GPC3: variants seen among roughly 807,000 people sequenced by gnomAD.
GPC3 encodes glypican 3.
GPC3 carries 3 observed loss-of-function variants against 34.4 expected under a neutral mutation model. The observed-to-expected ratio is 0.09, with a 90% CI of 0.04 to 0.23. GPC3 has a LOEUF of 0.23. Among genes scored for constraint, GPC3 ranks in the 10% least tolerant of loss-of-function variants. The probability of loss-of-function intolerance (pLI) is 1.00; values close to 1 mark genes in which losing one functional copy is unlikely to be tolerated. For synonymous variants in GPC3, 177 were observed against 174.0 expected (o/e 1.02, Z -0.13); for missense variants, 351 against 445.6 (o/e 0.79, Z 1.91).
chrX:133,812,218 A>G (rs1460968830), intron 2 of GPC3, among the ~76,000 whole-genome samples: 1 of 112,354 alleles, frequency 8.9e-6, no homozygotes, highest in Non-Finnish European at 1.9e-5. Context: ...TTCATCATAT[A>G]AAAATATTTA....
intron 5 of GPC3, among the ~76,000 whole-genome samples, chrX:133,689,601 A>G (rs1229084744): frequency 8.9e-6 from 1 of 112,372 alleles, no homozygotes; most frequent in Admixed American, 9.5e-5. Context: ...ACCATAAACA[A>G]TAGAAGATAA....
intron 5 of GPC3, among the ~76,000 whole-genome samples, chrX:133,676,971 A>C (rs191011895): frequency 6.3e-4 from 70 of 110,777 alleles, no homozygotes; most frequent in Non-Finnish European, 4.3e-4. Flanking sequence ...TCACTTATAT[A>C]TCTCTGTGGT....
rs193124555 is a variant in GPC3, at chrX:133,933,908, C to T, written c.337+19142G>A. 5.3e-3 allele frequency among the ~76,000 whole-genome samples: 544 copies of T among 103,176 alleles called. 9 individuals are homozygous for T. The highest frequency in any genetic ancestry group is 0.017 in the African/African-American group (481 of 28,098). The allele number at this position is 103,176 out of a possible 115,157, so 89.6% of individuals were successfully genotyped here. A position where few individuals can be genotyped will look rare whatever the true frequency, so the allele number is the denominator to read the frequency against. On this transcript the variant is annotated intron_variant, in intron 2 of 7. Coordinates refer to ENST00000370818, the MANE Select transcript of GPC3 (RefSeq NM_004484.4). ...GAGATGGAATCTCACTCTGTTGCCC[C>T]GGCTGGAGTGCAGTGACACGATCTC...
intron 3 of GPC3, among the ~76,000 whole-genome samples, chrX:133,751,834 C>T (rs1410513667): frequency 8.9e-6 from 1 of 111,963 alleles, no homozygotes; most frequent in African/African-American, 3.2e-5. Flanking sequence ...AGAGTGTCTA[C>T]AGTGTATAGT....
chrX:133,776,527 A>G (rs2071982870), intron 2 of GPC3, among the ~76,000 whole-genome samples: 1 of 112,308 alleles, frequency 8.9e-6, no homozygotes, highest in Admixed American at 9.4e-5. Context: ...GAGCCTCTCC[A>G]TTAAATGCAG....
intron 4 of GPC3, among the ~76,000 whole-genome samples, chrX:133,696,893 A>G (rs2071123712): frequency 8.9e-6 from 1 of 112,667 alleles, no homozygotes; most frequent in African/African-American, 3.2e-5. Context: ...TGCTCAGGAA[A>G]AAGTCTCTTC....
chrX:133,952,376 TATC>T (rs1394774514), intron 2 of GPC3, among the ~76,000 whole-genome samples: 2 of 112,026 alleles, frequency 1.8e-5, no homozygotes, highest in Admixed American at 1.9e-4. Flanking sequence ...AAGTGTCTGC[TATC>T]ATCACCACCA....
rs187714908 is a variant in GPC3, at chrX:133,596,368, G to A, written c.1573+72C>T. On this transcript the variant is annotated intron_variant, in intron 7 of 7. Coordinates refer to ENST00000370818, the MANE Select transcript of GPC3 (RefSeq NM_004484.4). The stretch of plus-strand genomic sequence containing the variant: ...GGAATGTAAGGGAATTGCAGACAGC[G>A]GGTTCAATTTATTTTTAATTCCTGA... The A allele has an allele frequency of 4.9e-4, 446 of 908,617 alleles. 4 individuals carry two copies. The South Asian group carries it at 7.9e-3, about 16-fold the overall frequency. The allele number at this position is 908,617 out of a possible 1,213,427, so 74.9% of individuals were successfully genotyped here. A position where few individuals can be genotyped will look rare whatever the true frequency, so the allele number is the denominator to read the frequency against.
At chrX:133,800,464 G>A (rs1161981654) in intron 2 of GPC3, among the ~76,000 whole-genome samples, 2 of 112,153 alleles carry the variant, frequency 1.8e-5, no homozygotes, top group African/African-American at 6.5e-5. Flanking sequence ...CATCTACTCT[G>A]TTGTAACGAT....
At chrX:133,725,660 T>C (rs2071400390) in intron 3 of GPC3, among the ~76,000 whole-genome samples, 1 of 112,168 alleles carries the variant, frequency 8.9e-6, no homozygotes, top group Non-Finnish European at 1.9e-5. Context: ...ATTGTGAATA[T>C]GACCAAACAA....
intron 2 of GPC3, among the ~76,000 whole-genome samples, chrX:133,919,808 C>G (rs183316044): frequency 1.2e-4 from 13 of 105,372 alleles, no homozygotes; most frequent in Admixed American, 5.1e-4. Context: ...TGCCACTGCA[C>G]TCCAGCCTAT....
At chrX:133,923,131 TAC>T (rs375148219) in intron 2 of GPC3, among the ~76,000 whole-genome samples, 71 of 106,770 alleles carry the variant, frequency 6.6e-4, no homozygotes, top group Non-Finnish European at 7.8e-4. Context: ...TACACGCGTG[TAC>T]ACACACACAC....
intron 6 of GPC3, among the ~76,000 whole-genome samples, chrX:133,657,685 C>T (rs1416329484): frequency 1.8e-5 from 2 of 111,363 alleles, no homozygotes; most frequent in Admixed American, 9.6e-5. Flanking sequence ...TGAACCCATC[C>T]CCTCAAGGTT....
intron 2 of GPC3, among the ~76,000 whole-genome samples, chrX:133,835,392 G>A (rs1357521558): frequency 8.9e-6 from 1 of 112,036 alleles, no homozygotes; most frequent in Non-Finnish European, 1.9e-5. Flanking sequence ...AGCATCTCAT[G>A]ATGTCTGAAC....
At chrX:133,591,932 CCA>C (rs2069852791) in intron 7 of GPC3, among the ~76,000 whole-genome samples, 1 of 111,449 alleles carries the variant, frequency 9.0e-6, no homozygotes, top group Non-Finnish European at 1.9e-5. Flanking sequence ...CTTTAGATGA[CCA>C]CAACTTTTCC....
At chrX:133,760,488 T>G (rs999321826) in intron 2 of GPC3, among the ~76,000 whole-genome samples, 1 of 111,687 alleles carries the variant, frequency 9.0e-6, no homozygotes, top group East Asian at 2.8e-4. Context: ...ATGAAGGAAC[T>G]CTAAATGTCT....
At chrX:133,665,056 C>T (rs1253820050) in intron 5 of GPC3, among the ~76,000 whole-genome samples, 1 of 112,049 alleles carries the variant, frequency 8.9e-6, no homozygotes, top group African/African-American at 3.2e-5. Flanking sequence ...CAATGCCTTA[C>T]TGATTAACAG....
chrX:133,666,524 T>A (rs2070769214), intron 5 of GPC3, among the ~76,000 whole-genome samples: 1 of 112,329 alleles, frequency 8.9e-6, no homozygotes, highest in Admixed American at 9.4e-5. Flanking sequence ...TTGCTTAAGT[T>A]TAGTGGCACT....
intron 2 of GPC3, among the ~76,000 whole-genome samples, chrX:133,883,044 T>C (rs886991376): frequency 5.4e-5 from 6 of 110,901 alleles, no homozygotes; most frequent in Non-Finnish European, 1.1e-4. Flanking sequence ...CCAAATGCCT[T>C]CACAGTCCTC....
Sources: allele counts gnomAD v4.1 joint callset (sites outside exome capture counted in the v4.1 genomes callset), GRCh38; gene constraint gnomAD v4.1.1; transcripts MANE v1.5; gene names NCBI Gene and HGNC (gene_info 2026-07-23, HGNC 2026-07-21).